TMEM11: variants seen among roughly 807,000 people sequenced by gnomAD.
TMEM11 encodes transmembrane protein 11.
Under a neutral mutation model 17.0 loss-of-function variants are expected in TMEM11, and 1 was observed. The observed-to-expected ratio is 0.06, with a 90% CI of 0.02 to 0.28. The LOEUF (loss-of-function observed/expected upper bound fraction) is 0.28. Ranked by LOEUF, TMEM11 falls within the 10% of genes least tolerant of loss-of-function variation. TMEM11 has a pLI of 1.00. For synonymous variants in TMEM11, 122 were observed against 118.1 expected, an observed-to-expected ratio of 1.03 and a Z score of -0.21; for missense variants, 172 against 252.9, an observed-to-expected ratio of 0.68 and a Z score of 2.17.
Position 21,204,435 on chromosome 17 carries a change from T to TAA in TMEM11, c.63-5597_63-5596dup, listed in dbSNP as rs71160127. The stretch of plus-strand genomic sequence containing the variant: ...GGCAACAAGTAAAACTCCGTCTCAA[T>TAA]AAAAAAAAAAAAAAAAAAAAAAAAG... On this transcript the variant is annotated intron_variant, in intron 1 of 1. Coordinates refer to ENST00000317635, the MANE Select transcript of TMEM11 (RefSeq NM_003876.3). Among the ~76,000 whole-genome samples, 945 of 96,664 alleles carry TAA rather than the reference T, an allele frequency of 9.8e-3. 13 individuals are homozygous for TAA. Among genetic ancestry groups the TAA allele is most frequent in the African/African-American group, 0.027 (704 of 26,414 alleles). The allele number at this position is 96,664 out of a possible 152,430, so 63.4% of individuals were successfully genotyped here. A position where few individuals can be genotyped will look rare whatever the true frequency, so the allele number is the denominator to read the frequency against.
In TMEM11 at chr17:21,198,477, T is replaced by C; in HGVS notation, c.426A>G (p.Lys142=). 1 of 1,614,148 alleles carries C rather than the reference T, an allele frequency of 6.2e-7. No homozygotes were observed. Among genetic ancestry groups the C allele is most frequent in the Non-Finnish European group, 8.5e-7 (1 of 1,180,018 alleles). Residue 142 remains lysine, a synonymous_variant, in exon 2 of 2, where the codon AAA becomes AAG. Coordinates refer to ENST00000317635, the MANE Select transcript of TMEM11 (RefSeq NM_003876.3). This position sits in a 1 kb window ranked among gnomAD's most constrained non-coding sequence, Gnocchi z 6.5. ...CKYQVEYDAY[K]LSRLPLHTLT... ...GTGTGTGCAGAGGCAGGCGCGACAG[T>C]TTATAGGCGTCGTACTCCACTTGGT...
At chr17:21,201,715 G>A (rs1436855072) in intron 1 of TMEM11, among the ~76,000 whole-genome samples, 1 of 152,062 alleles carries the variant, frequency 6.6e-6, no homozygotes, top group Non-Finnish European at 1.5e-5. Flanking sequence ...TCGACCTCCC[G>A]GGTTCAAGAG....
At position 21,198,557 on chromosome 17, in the gene TMEM11, G is replaced by A. The variant is rs763880962; in HGVS notation, c.346C>T (p.Leu116=). The change falls in exon 2 of 2, where the codon CTG becomes TTG. Residue 116 remains leucine, a synonymous_variant. Coordinates refer to ENST00000317635, the MANE Select transcript of TMEM11 (RefSeq NM_003876.3). This position sits in a 1 kb window ranked among gnomAD's most constrained non-coding sequence, Gnocchi z 6.5. ...YISLPAGVLS[L]ACCTLYGISW... ...ATCCCATAGAGGGTGCAGCAGGCCA[G>A]GCTCAGCACACCAGCGGGCAGGGAA... The A allele has an allele frequency of 2.2e-5, 36 of 1,614,214 alleles. No homozygotes were observed. Among genetic ancestry groups the A allele is most frequent in the Middle Eastern group, 1.6e-4 (1 of 6,062 alleles).
intron 1 of TMEM11, among the ~76,000 whole-genome samples, chr17:21,199,325 T>A (rs1347193892): frequency 3.8e-5 from 1 of 26,080 alleles, no homozygotes; most frequent in African/African-American, 2.3e-4. Flanking sequence ...AGACTCAGTC[T>A]CAGAAAAAAA....
At chr17:21,202,856 CAGCACACATCCTGA>C (rs1191955762) in intron 1 of TMEM11, among the ~76,000 whole-genome samples, 1 of 152,226 alleles carries the variant, frequency 6.6e-6, no homozygotes, top group Non-Finnish European at 1.5e-5. Context: ...GGGCACTCGC[CAGCACACATCCTGA>C]GATGGTGGCG....
At chr17:21,205,657 C>T (rs1974934466) in intron 1 of TMEM11, among the ~76,000 whole-genome samples, 1 of 152,062 alleles carries the variant, frequency 6.6e-6, no homozygotes, top group African/African-American at 2.4e-5. Context: ...CTCCAGGATT[C>T]CTTTACCTTC....
At chr17:21,200,145 C>G (rs1160738077) in intron 1 of TMEM11, among the ~76,000 whole-genome samples, 1 of 152,260 alleles carries the variant, frequency 6.6e-6, no homozygotes, top group Non-Finnish European at 1.5e-5. Flanking sequence ...GGCAGCCCGG[C>G]TGCAGCCCCA....
At chr17:21,203,273 G>A (rs944402236) in intron 1 of TMEM11, among the ~76,000 whole-genome samples, 11 of 152,192 alleles carry the variant, frequency 7.2e-5, no homozygotes, top group Admixed American at 4.6e-4. Flanking sequence ...ACCCGGCCAC[G>A]ACCAGGCAGT....
intron 1 of TMEM11, among the ~76,000 whole-genome samples, chr17:21,203,574 C>CAATTTT (rs1974906968): frequency 6.6e-6 from 1 of 152,012 alleles, no homozygotes; most frequent in Non-Finnish European, 1.5e-5. Flanking sequence ...AGGCGCGGTG[C>CAATTTT]TGCACACCTG....
At chr17:21,203,456 C>T (rs1239460233) in intron 1 of TMEM11, among the ~76,000 whole-genome samples, 2 of 152,090 alleles carry the variant, frequency 1.3e-5, no homozygotes, top group Non-Finnish European at 2.9e-5. Context: ...GTGGCTCACG[C>T]CTGTAATCCC....
chr17:21,209,223 C>G (rs1334977238), intron 1 of TMEM11, among the ~76,000 whole-genome samples: 1 of 152,220 alleles, frequency 6.6e-6, no homozygotes, highest in Admixed American at 6.5e-5. Context: ...GGAGCAGGAA[C>G]ACGGCGCACC....
intron 1 of TMEM11, chr17:21,213,653 T>C: frequency 5.7e-6 from 1 of 175,712 alleles, no homozygotes; most frequent in Non-Finnish European, 1.2e-5. Context: ...TGTGAAGGCT[T>C]CCCCTTCTTT....
At chr17:21,209,453 T>C (rs1275481442) in intron 1 of TMEM11, among the ~76,000 whole-genome samples, 3 of 151,820 alleles carry the variant, frequency 2.0e-5, no homozygotes, top group Non-Finnish European at 4.4e-5. Context: ...TTAAATTAAT[T>C]AAAATTAGAC....
chr17:21,210,798 G>C (rs558301829), intron 1 of TMEM11: 1 of 926,282 alleles, frequency 1.1e-6, no homozygotes, highest in East Asian at 6.4e-5. Context: ...ATAACTTCGC[G>C]CTAAACCTGA....
intron 1 of TMEM11, among the ~76,000 whole-genome samples, chr17:21,207,117 A>G (rs1275470928): frequency 6.6e-6 from 1 of 152,206 alleles, no homozygotes; most frequent in Non-Finnish European, 1.5e-5. Flanking sequence ...CGTGGTCTTC[A>G]ACAACTGGCT....
rs73982541 is a variant in TMEM11 at position 21,211,715 on chromosome 17, C to A, written c.62+2376G>T. On this transcript the variant is annotated intron_variant, in intron 1 of 1. Transcript: ENST00000317635. ...CCGCTGGCAAATCTGGCAAGTGTGC[C>A]CAAAGTGTCACTCTGTTCTAGCCCC... Among the ~76,000 whole-genome samples the A allele has an allele frequency of 3.8e-3, 585 of 152,292 alleles. 4 individuals carry two copies. Among genetic ancestry groups the A allele is most frequent in the African/African-American group, 0.014 (569 of 41,552 alleles).
intron 1 of TMEM11, among the ~76,000 whole-genome samples, chr17:21,203,229 C>T (rs955995878): frequency 1.3e-5 from 2 of 152,234 alleles, no homozygotes; most frequent in Non-Finnish European, 2.9e-5. Context: ...CACACAGACG[C>T]ACCCAAAGCC....
At chr17:21,212,557 A>T (rs1483244932) in intron 1 of TMEM11, among the ~76,000 whole-genome samples, 2 of 152,230 alleles carry the variant, frequency 1.3e-5, no homozygotes, top group Non-Finnish European at 2.9e-5. Flanking sequence ...GATCCAGCCT[A>T]TGCACTGCTA....
In TMEM11 at chr17:21,207,981, T is replaced by TA. The variant is rs1387019774; in HGVS notation, c.62+6109dup. Among the ~76,000 whole-genome samples the TA allele has an allele frequency of 9.5e-4, 143 of 150,660 alleles. 2 individuals carry two copies. Among genetic ancestry groups the TA allele is most frequent in the Middle Eastern group, 6.8e-3 (2 of 292 alleles). Reference sequence around the variant, plus strand: ...TTTCTTCATGCTTTTCTATATTTTTTAAAAAAAAGTGTTTCTTTTTTTTTT... The same window carrying TA: ...TTTCTTCATGCTTTTCTATATTTTTTAAAAAAAAAGTGTTTCTTTTTTTTTT... On this transcript the variant is annotated intron_variant, in intron 1 of 1. Transcript: ENST00000317635.
Sources: allele counts gnomAD v4.1 joint callset (sites outside exome capture counted in the v4.1 genomes callset), GRCh38; gene constraint gnomAD v4.1.1; non-coding constraint Gnocchi (gnomAD v3.1); transcripts MANE v1.5; gene names NCBI Gene and HGNC (gene_info 2026-07-23, HGNC 2026-07-21).